Variants in CACNA1B observed in about 807,000 individuals in gnomAD.
The protein encoded by CACNA1B is calcium voltage-gated channel subunit alpha1 B.
CACNA1B carries 70 observed loss-of-function variants against 247.2 expected under a neutral mutation model. The ratio of observed to expected loss-of-function variants is 0.28; its 90% CI spans 0.23 to 0.35. CACNA1B has a LOEUF of 0.35. CACNA1B is among the 10% of genes least tolerant of loss of function. The pLI is 1.00. For synonymous variants in CACNA1B, 1,231 were observed against 1,294.4 expected (o/e 0.95, Z 1.05); for missense variants, 2,367 against 3,197.4 (o/e 0.74, Z 6.26).
Position 137,952,062 on chromosome 9 carries a change from A to G in CACNA1B, c.967-212A>G, listed in dbSNP as rs1381378220. On this transcript the variant is annotated intron_variant, in intron 6 of 46. Coordinates refer to ENST00000371372, the MANE Select transcript of CACNA1B (RefSeq NM_000718.4). The surrounding 1 kb of genome is among the most constrained non-coding windows in gnomAD (Gnocchi z 4.8). ...TGGTCCTCTGGGAGCTGCAGTCCAG[A>G]GAGAACTCTGCCAGCAAGGGCACGT... Among the ~76,000 whole-genome samples the G allele has an allele frequency of 6.6e-6, 1 of 152,076 alleles. No homozygotes were observed. Among genetic ancestry groups the G allele is most frequent in the East Asian group, 1.9e-4 (1 of 5,164 alleles).
chr9:138,075,339 T>G (rs1046545511), intron 34 of CACNA1B, among the ~76,000 whole-genome samples: 6 of 152,248 alleles, frequency 3.9e-5, no homozygotes, highest in African/African-American at 1.2e-4. Context: ...TTCCAGATTT[T>G]GGGCTGAGTA....
intron 22 of CACNA1B, 67 bp from the exon 23 acceptor site, chr9:138,047,332 G>T: frequency 8.1e-7 from 1 of 1,233,130 alleles, no homozygotes; most frequent in Non-Finnish European, 1.2e-6. Flanking sequence ...AAAACTCGGA[G>T]CCACCGAGGG....
rs1269089830 is a variant in CACNA1B, at chr9:138,051,303, C to A, written c.3711-789C>A. Among the ~76,000 whole-genome samples, 1 of 151,806 alleles carries A rather than the reference C, an allele frequency of 6.6e-6. No individual in the cohort carries two copies. The highest frequency in any genetic ancestry group is 1.5e-5 in the Non-Finnish European group (1 of 67,976). ...CTGTCCTGGCTTTTTCTTGGAGGGGCCCTGATTGAGGCCCTCTGGTTCTGT... is the reference window on the plus strand; with the variant it reads ...CTGTCCTGGCTTTTTCTTGGAGGGGACCTGATTGAGGCCCTCTGGTTCTGT... On this transcript the variant is annotated intron_variant, in intron 24 of 46. Transcript: ENST00000371372. This position sits in a 1 kb window ranked among gnomAD's most constrained non-coding sequence, Gnocchi z 4.3.
intron 46 of CACNA1B, 113 bp downstream of exon 46, chr9:138,120,994 C>A: frequency 1.6e-6 from 2 of 1,286,052 alleles, no homozygotes; most frequent in South Asian, 1.4e-5. Context: ...TTTGTCATTC[C>A]CAGCAACCCA....
intron 6 of CACNA1B, among the ~76,000 whole-genome samples, chr9:137,936,101 C>T (rs1957664987): frequency 6.6e-6 from 1 of 152,226 alleles, no homozygotes; most frequent in African/African-American, 2.4e-5. Flanking sequence ...TTGTGATCCG[C>T]CCGCCTCGGC....
chr9:137,888,460 G>A lies in CACNA1B; in HGVS notation c.530+5577G>A, dbSNP rs1293709913. 1.3e-5 allele frequency among the ~76,000 whole-genome samples: 2 copies of A among 152,216 alleles called. No individual in the cohort carries two copies. Among genetic ancestry groups the A allele is most frequent in the African/African-American group, 2.4e-5 (1 of 41,448 alleles). ...CCCCCAGAACCCCAAAGCCCTGCGC[G>A]TCCCCACCCCTGTTGTGGCTCCAGC... On this transcript the variant is annotated intron_variant, in intron 3 of 46. Transcript: ENST00000371372. This position sits in a 1 kb window ranked among gnomAD's most constrained non-coding sequence, Gnocchi z 4.7.
chr9:137,907,289 A>G (rs1240426992), intron 3 of CACNA1B, among the ~76,000 whole-genome samples: 1 of 152,236 alleles, frequency 6.6e-6, no homozygotes, highest in African/African-American at 2.4e-5. Flanking sequence ...CATTTGCCAC[A>G]GTTAATTTTT....
Position 138,124,523 on chromosome 9 carries a change from C to G in CACNA1B, c.*2524C>G, listed in dbSNP as rs2131378555. ...TGCTGCCTGAGTCATATTTATCAGC[C>G]AAACTTTGGATTCTGCTGTTGTTTC... On this transcript the variant is annotated 3_prime_UTR_variant, in exon 47 of 47. Coordinates refer to ENST00000371372, the MANE Select transcript of CACNA1B (RefSeq NM_000718.4). 6.6e-6 allele frequency: 1 copy of G among 151,894 alleles called. No individual in the cohort carries two copies. The highest frequency in any genetic ancestry group is 1.9e-4 in the East Asian group (1 of 5,172). 9.4% of individuals were successfully genotyped at this position (151,894 alleles called of 1,614,324 possible).
At chr9:137,999,446 G>T (rs537175446) in intron 15 of CACNA1B, among the ~76,000 whole-genome samples, 10 of 150,214 alleles carry the variant, frequency 6.7e-5, no homozygotes, top group African/African-American at 2.5e-4. Flanking sequence ...AGAGGAATCC[G>T]AAACAACACT....
At chr9:138,002,125 T>C (rs1040901052) in intron 15 of CACNA1B, among the ~76,000 whole-genome samples, 52 of 152,224 alleles carry the variant, frequency 3.4e-4, no homozygotes, top group African/African-American at 1.2e-3. Flanking sequence ...CATGACTTTT[T>C]ATAAAGCTAT....
intron 6 of CACNA1B, among the ~76,000 whole-genome samples, chr9:137,944,077 C>CGT (rs1957765770): frequency 6.6e-6 from 1 of 152,188 alleles, no homozygotes; most frequent in Non-Finnish European, 1.5e-5. Flanking sequence ...GTTTCCTTTG[C>CGT]GTGCTCTTTG....
intron 6 of CACNA1B, among the ~76,000 whole-genome samples, chr9:137,947,659 T>A (rs552831929): frequency 6.6e-6 from 1 of 152,130 alleles, no homozygotes; most frequent in South Asian, 2.1e-4. Context: ...GTTTCCCTAG[T>A]TTTTCATTTG....
rs116798261 is a variant in CACNA1B, at chr9:138,066,794, G to A, written c.4669-2964G>A. 8.8e-3 allele frequency among the ~76,000 whole-genome samples: 1,340 copies of A among 152,052 alleles called. 12 individuals are homozygous for A. The highest frequency in any genetic ancestry group is 0.03 in the African/African-American group (1,248 of 41,494). ...AATGTTTATATTAGAAAAAGAAAAC[G>A]GTGTAAAAATTAATGAGTTTAGCAT... On this transcript the variant is annotated intron_variant, in intron 31 of 46. Coordinates refer to ENST00000371372, the MANE Select transcript of CACNA1B (RefSeq NM_000718.4).
chr9:138,029,219 A>G (rs1181453158), intron 20 of CACNA1B, among the ~76,000 whole-genome samples: 13 of 152,386 alleles, frequency 8.5e-5, no homozygotes, highest in African/African-American at 2.6e-4. Flanking sequence ...CCAAGGATAT[A>G]TTCTGTAGGA....
intron 32 of CACNA1B, among the ~76,000 whole-genome samples, chr9:138,071,291 T>C (rs1960124372): frequency 6.6e-6 from 1 of 152,010 alleles, no homozygotes; most frequent in Admixed American, 6.5e-5. Flanking sequence ...CCAACTCAGG[T>C]AGAAGTAAGG....
intron 35 of CACNA1B, 123 bp from the exon 36 acceptor site, chr9:138,077,991 C>T (rs1960385711): frequency 1.4e-6 from 1 of 736,824 alleles, no homozygotes; most frequent in Admixed American, 2.8e-5. Flanking sequence ...TGACCCAGGC[C>T]TGGCACATGT....
chr9:138,080,206 G>T lies in CACNA1B; in HGVS notation c.5094+1948G>T, dbSNP rs542391658. On this transcript the variant is annotated intron_variant, in intron 36 of 46. Coordinates refer to ENST00000371372, the MANE Select transcript of CACNA1B (RefSeq NM_000718.4). ...TCCCAGACAAGTGCAAGGAGGGAGAGAAGGGTGTGTATAAGAGTGTGGTTA... is the reference window on the plus strand; with the variant it reads ...TCCCAGACAAGTGCAAGGAGGGAGATAAGGGTGTGTATAAGAGTGTGGTTA... Among the ~76,000 whole-genome samples, 3 of 152,352 alleles carry T rather than the reference G, an allele frequency of 2.0e-5. No homozygotes were observed. The South Asian group carries it at 6.2e-4, about 32-fold the overall frequency.
At position 137,888,756 on chromosome 9, in the gene CACNA1B, C is replaced by T. The variant is rs1957053597; in HGVS notation, c.530+5873C>T. Among the ~76,000 whole-genome samples, 1 of 152,240 alleles carries T rather than the reference C, an allele frequency of 6.6e-6. No homozygotes were observed. The highest frequency in any genetic ancestry group is 1.5e-5 in the Non-Finnish European group (1 of 68,042). On this transcript the variant is annotated intron_variant, in intron 3 of 46. Coordinates refer to ENST00000371372, the MANE Select transcript of CACNA1B (RefSeq NM_000718.4). The surrounding 1 kb of genome is among the most constrained non-coding windows in gnomAD (Gnocchi z 4.7). ...GGGCCGAGGCACTGCTGACCCTGAG[C>T]TTCCTGGGCAACCACTGTGGCCTCC... is the stretch of plus-strand genomic sequence containing the variant.
chr9:137,890,811 C>A (rs1957088103), intron 3 of CACNA1B: 1 of 130,970 alleles, frequency 7.6e-6, no homozygotes, highest in African/African-American at 2.5e-5. Flanking sequence ...AGCGGCAGAG[C>A]TGGAGGCCGT....
Sources: gnomAD v4.1 joint callset for allele counts (sites outside exome capture counted in the v4.1 genomes callset) on GRCh38, gnomAD v4.1.1 for gene constraint, Gnocchi (gnomAD v3.1) non-coding constraint, MANE v1.5 for transcripts, NCBI Gene and HGNC (gene_info 2026-07-23, HGNC 2026-07-21) for gene names.